The following ZBTB41 variants were observed in gnomAD, a reference collection of about 807,000 sequenced individuals.
ZBTB41 encodes zinc finger and BTB domain containing 41, also known as zinc finger and BTB domain-containing protein 41.
ZBTB41 carries 42 observed loss-of-function variants against 87.6 expected under a neutral mutation model. The ratio of observed to expected loss-of-function variants is 0.48; its 90% CI spans 0.37 to 0.62. ZBTB41 has a LOEUF of 0.62. Ranked by LOEUF, ZBTB41 falls within the 20% of genes least tolerant of loss-of-function variation. The probability of loss-of-function intolerance (pLI) is 0.00; values close to 1 mark genes in which losing one functional copy is unlikely to be tolerated. For synonymous variants in ZBTB41, 364 were observed against 364.0 expected (o/e 1.00, Z 0.00); for missense variants, 799 against 1,078.9 (o/e 0.74, Z 3.63).
rs375799079 is a variant in ZBTB41, at chr1:197,199,543, C to T, written c.931G>A (p.Glu311Lys). ...TCAGAGTACTCATCTGACATCTCCTCCTCTAGCTCATCTTCTTCAGCATTA... is the reference window on the plus strand; with the variant it reads ...TCAGAGTACTCATCTGACATCTCCTTCTCTAGCTCATCTTCTTCAGCATTA... ...EYNAEEDELE[E>K]EMSDEYSDIE... Residue 311 changes from glutamate (E) to lysine (K), a missense_variant, in exon 2 of 11, where the codon GAG (glutamate) becomes AAG (lysine). Physicochemically the swap from Glu to Lys is moderately conservative, Grantham distance 56 (BLOSUM62 1). Around this residue, in one of 5 missense-constraint regions of ZBTB41, gnomAD observed 294 missense variants for 340.1 expected, o/e 0.86. Transcript: ENST00000367405. 13 of 1,608,952 alleles carry T rather than the reference C, an allele frequency of 8.1e-6. No individual in the cohort carries two copies. The highest frequency in any genetic ancestry group is 1.1e-5 in the Non-Finnish European group (13 of 1,178,454).
intron 5 of ZBTB41, among the ~76,000 whole-genome samples, chr1:197,182,616 A>G (rs1659777568): frequency 6.6e-6 from 1 of 152,128 alleles, no homozygotes; most frequent in Non-Finnish European, 1.5e-5. Context: ...TTTTGCACAT[A>G]TATATTCATA....
intron 1 of ZBTB41, among the ~76,000 whole-genome samples, 131 bp downstream of exon 1, chr1:197,201,092 C>A (rs1032226410): frequency 2.6e-5 from 4 of 152,222 alleles, no homozygotes; most frequent in African/African-American, 9.6e-5. Context: ...GTGGGGTCAA[C>A]CAGAGGGACG....
At chr1:197,195,735 C>T (rs1250839740) in intron 2 of ZBTB41, among the ~76,000 whole-genome samples, 1 of 152,046 alleles carries the variant, frequency 6.6e-6, no homozygotes, top group Non-Finnish European at 1.5e-5. Flanking sequence ...TCTGTCATCT[C>T]CCTATTTTTG....
At chr1:197,186,077 T>C (rs903386999) in intron 5 of ZBTB41, among the ~76,000 whole-genome samples, 1 of 151,302 alleles carries the variant, frequency 6.6e-6, no homozygotes, top group African/African-American at 2.4e-5. Flanking sequence ...AATCTTACTA[T>C]AAAGTTACAG....
rs1659132362 is a variant in ZBTB41, at chr1:197,158,940, T to C, written c.*419A>G. On this transcript the variant is annotated 3_prime_UTR_variant, in exon 11 of 11. Coordinates refer to ENST00000367405, the MANE Select transcript of ZBTB41 (RefSeq NM_194314.3). ...GATAAGAAACAGTTGCAATTATCAG[T>C]GTACTCTTAATTCCTTCTTAAAGGC... 1 of 163,844 alleles carries C rather than the reference T, an allele frequency of 6.1e-6. No individual in the cohort carries two copies. The highest frequency in any genetic ancestry group is 1.6e-4 in the South Asian group (1 of 6,152). The allele number at this position is 163,844 out of a possible 1,614,324, so 10.1% of individuals were successfully genotyped here. A position where few individuals can be genotyped will look rare whatever the true frequency, so the allele number is the denominator to read the frequency against.
chr1:197,201,143 C>A (rs917284945), intron 1 of ZBTB41, among the ~76,000 whole-genome samples, 80 bp downstream of exon 1: 1 of 152,230 alleles, frequency 6.6e-6, no homozygotes, highest in African/African-American at 2.4e-5. Context: ...CCGGGCAAGG[C>A]GGAGAATGCG....
intron 2 of ZBTB41, 106 bp downstream of exon 2, chr1:197,199,246 AAC>A (rs1660238286): frequency 2.6e-6 from 3 of 1,133,674 alleles, no homozygotes; most frequent in East Asian, 2.8e-5. Context: ...TCCCTACTTA[AAC>A]AGTCTTTTTA....
Position 197,191,614 on chromosome 1 carries a change from T to G in ZBTB41, c.1328+78A>C, listed in dbSNP as rs551614673. On this transcript the variant is annotated intron_variant, in intron 3 of 10. Coordinates refer to ENST00000367405, the MANE Select transcript of ZBTB41 (RefSeq NM_194314.3). ...ATGAAAGAATTGGAGATAAGCACTTTATAGATGTTTTTAGCTTTCCACATA... is the reference window on the plus strand; with the variant it reads ...ATGAAAGAATTGGAGATAAGCACTTGATAGATGTTTTTAGCTTTCCACATA... 5.8e-5 allele frequency: 69 copies of G among 1,179,864 alleles called. No individual in the cohort carries two copies. The African/African-American group carries it at 1.0e-3, about 17-fold the overall frequency. The allele number at this position is 1,179,864 out of a possible 1,614,324, so 73.1% of individuals were successfully genotyped here.
rs1659152141 is a variant in ZBTB41 at position 197,159,625 on chromosome 1, T to A, written c.2464A>T (p.Ser822Cys). 1 of 1,613,894 alleles carries A rather than the reference T, an allele frequency of 6.2e-7. No homozygotes were observed. The highest frequency in any genetic ancestry group is 8.5e-7 in the Non-Finnish European group (1 of 1,179,930). Residue 822 changes from serine to cysteine, a missense_variant, in exon 11 of 11, where the codon AGT becomes TGT. By Grantham distance (112) the Ser-to-Cys change is moderately radical (BLOSUM62 -1). Around this residue, in one of 5 missense-constraint regions of ZBTB41, gnomAD observed 171 missense variants for 191.9 expected, o/e 0.89. Coordinates refer to ENST00000367405, the MANE Select transcript of ZBTB41 (RefSeq NM_194314.3). ...GTGGTAGTATGACGCACTAGGTCACTCGGAGTGTCAGGCATCTGAACTGGA... is the reference window on the plus strand; with the variant it reads ...GTGGTAGTATGACGCACTAGGTCACACGGAGTGTCAGGCATCTGAACTGGA... ...LVPVQMPDTP[S>C]DLVRHTTTLP...
rs1468006372 is a variant in ZBTB41 at position 197,159,980 on chromosome 1, C to A, written c.2109G>T (p.Gln703His). ...EKPYKCQICNQSFRIKKTLTK... is the reference protein window; with the variant it reads ...EKPYKCQICNHSFRIKKTLTK... ...TTAATGTTTTCTTAATTCTAAAAGACTGATTGCAAATTTGACACTTGTATG... is the reference window on the plus strand; with the variant it reads ...TTAATGTTTTCTTAATTCTAAAAGAATGATTGCAAATTTGACACTTGTATG... The change falls in exon 11 of 11, where the codon CAG becomes CAT. Residue 703 changes from glutamine to histidine, a missense_variant. Physicochemically the swap from Gln to His is conservative, Grantham distance 24. Around this residue, in one of 5 missense-constraint regions of ZBTB41, gnomAD observed 198 missense variants for 358.4 expected, o/e 0.55. Coordinates refer to ENST00000367405, the MANE Select transcript of ZBTB41 (RefSeq NM_194314.3). 6.2e-7 allele frequency: 1 copy of A among 1,613,126 alleles called. No individual in the cohort carries two copies. The highest frequency in any genetic ancestry group is 1.1e-5 in the South Asian group (1 of 91,018).
In ZBTB41 at chr1:197,175,079, C is replaced by T; in HGVS notation, c.1916G>A (p.Cys639Tyr). 1 of 1,611,278 alleles carries T rather than the reference C, an allele frequency of 6.2e-7. No individual in the cohort carries two copies. Among genetic ancestry groups the T allele is most frequent in the Non-Finnish European group, 8.5e-7 (1 of 1,178,390 alleles). ...AGTGAGATGATCCCTACGACCAAAA[C>T]ATTTTCCACATTCTTCACACTGATG... is the stretch of plus-strand genomic sequence containing the variant. ...KAHQCEECGK[C>Y]FGRRDHLTVH... Residue 639 changes from cysteine (C) to tyrosine (Y), a missense_variant, in exon 9 of 11, where the codon TGT becomes TAT. Cys to Tyr is a radical substitution (Grantham distance 194, BLOSUM62 -2). Around this residue, in one of 5 missense-constraint regions of ZBTB41, gnomAD observed 198 missense variants for 358.4 expected, o/e 0.55. Coordinates refer to ENST00000367405, the MANE Select transcript of ZBTB41 (RefSeq NM_194314.3).
At chr1:197,162,293 C>A (rs866461080) in intron 10 of ZBTB41, among the ~76,000 whole-genome samples, 9 of 151,928 alleles carry the variant, frequency 5.9e-5, no homozygotes, top group Admixed American at 5.9e-4. Context: ...AAGAAATAAA[C>A]CTTCTACAGT....
In ZBTB41 at chr1:197,163,562, C is replaced by G. The variant is rs138914875; in HGVS notation, c.2075-3548G>C. The stretch of plus-strand genomic sequence containing the variant: ...TAGCAATATTTAAAAAGAAAATGGC[C>G]AAGAATCTTCCTAAATAAAAGAAAG... On this transcript the variant is annotated intron_variant, in intron 10 of 10. Transcript: ENST00000367405. 2.7e-3 allele frequency among the ~76,000 whole-genome samples: 417 copies of G among 151,670 alleles called. 3 individuals are homozygous for G. Among genetic ancestry groups the G allele is most frequent in the Middle Eastern group, 0.01 (3 of 294 alleles).
At chr1:197,193,804 A>G (rs1049305722) in intron 2 of ZBTB41, among the ~76,000 whole-genome samples, 3 of 152,232 alleles carry the variant, frequency 2.0e-5, no homozygotes, top group East Asian at 3.8e-4. Flanking sequence ...AAGTTTTCAC[A>G]TTTCATTTTT....
At chr1:197,168,667 G>C (rs1659405599) in intron 10 of ZBTB41, among the ~76,000 whole-genome samples, 1 of 151,984 alleles carries the variant, frequency 6.6e-6, no homozygotes, top group African/African-American at 2.4e-5. Flanking sequence ...TCTTCTAGAA[G>C]GTAACCGCAA....
intron 5 of ZBTB41, among the ~76,000 whole-genome samples, chr1:197,184,794 C>CTATT (rs71286567): frequency 0.3 from 44,843 of 147,472 alleles, 8,395 homozygotes; most frequent in Middle Eastern, 0.44. Context: ...AAGTTTACAA[C>CTATT]TATTTATTTA....
chr1:197,168,858 G>A (rs1659410904), intron 10 of ZBTB41, among the ~76,000 whole-genome samples: 1 of 151,958 alleles, frequency 6.6e-6, no homozygotes, highest in Admixed American at 6.5e-5. Flanking sequence ...TATCCGGAAT[G>A]TAGAAAGAAT....
chr1:197,167,062 A>AG (rs1478335099), intron 10 of ZBTB41, among the ~76,000 whole-genome samples: 1 of 152,230 alleles, frequency 6.6e-6, no homozygotes, highest in African/African-American at 2.4e-5. Context: ...GGACATTACA[A>AG]GGGAAAAGAT....
In ZBTB41 at chr1:197,191,823, T is replaced by G; in HGVS notation, c.1197A>C (p.Ser399=). 2 of 1,613,964 alleles carry G rather than the reference T, an allele frequency of 1.2e-6. No individual in the cohort carries two copies. Among genetic ancestry groups the G allele is most frequent in the Non-Finnish European group, 8.5e-7 (1 of 1,179,920 alleles). ...FECDICHQRY[S]TKSNLTVHRK... is the part of the protein sequence containing the mutation. ...TGTGAACAGTTAGGTTAGACTTTGT[T>G]GAATAGCGCTGGTGACAAATATCAC... is the stretch of plus-strand genomic sequence containing the variant. Residue 399 remains serine (S), a synonymous_variant, in exon 3 of 11, where the codon TCA becomes TCC. Transcript: ENST00000367405.
Sources: gnomAD v4.1 joint callset for allele counts (sites outside exome capture counted in the v4.1 genomes callset) on GRCh38, gnomAD v4.1.1 for gene constraint, gnomAD v4.1.1 regional missense constraint, MANE v1.5 for transcripts, NCBI Gene and HGNC (gene_info 2026-07-23, HGNC 2026-07-21) for gene names.